The following UNC79 variants were observed in gnomAD, a reference collection of about 807,000 sequenced individuals.
UNC79 encodes unc-79 subunit of NALCN channel complex.
In UNC79, 37 loss-of-function variants were observed where a neutral mutation model predicts 283.1. The observed-to-expected ratio is 0.13, with a 90% CI of 0.10 to 0.17. The LOEUF (loss-of-function observed/expected upper bound fraction) is 0.17. Among genes scored for constraint, UNC79 ranks in the 10% least tolerant of loss-of-function variants. The pLI is 1.00. For missense variants in UNC79, 2,272 were observed against 3,211.1 expected, an observed-to-expected ratio of 0.71 and a Z score of 7.07; for synonymous variants, 1,107 against 1,200.2, an observed-to-expected ratio of 0.92 and a Z score of 1.61.
chr14:93,463,849 AC>A (rs1186845984), intron 1 of UNC79, among the ~76,000 whole-genome samples: 2 of 152,138 alleles, frequency 1.3e-5, no homozygotes, highest in African/African-American at 2.4e-5. Flanking sequence ...CTTAACTCTT[AC>A]TAATAAGATT....
chr14:93,529,212 G>T, intron 9 of UNC79, 74 bp from the exon 10 acceptor site: 1 of 1,517,806 alleles, frequency 6.6e-7, no homozygotes, highest in Admixed American at 1.8e-5. Context: ...GCACTAGTGT[G>T]CAGCTTATAA....
intron 1 of UNC79, 69 bp downstream of exon 1, chr14:93,431,120 G>C (rs2055856369): frequency 1.5e-6 from 1 of 686,542 alleles, no homozygotes. Context: ...CGGCGTTTGC[G>C]GCTGCTGGGA....
chr14:93,487,670 C>T (rs761874789), exon 5 of UNC79: 3 of 1,613,714 alleles, frequency 1.9e-6, no homozygotes, highest in South Asian at 1.1e-5. Context: ...CAGTGGGCTC[C>T]TCAAGGAGAG....
intron 7 of UNC79, among the ~76,000 whole-genome samples, chr14:93,516,699 C>T (rs996880839): frequency 6.6e-6 from 1 of 152,114 alleles, no homozygotes; most frequent in Non-Finnish European, 1.5e-5. Flanking sequence ...CTGCCTGCCT[C>T]AGCCTCCCAA....
intron 1 of UNC79, among the ~76,000 whole-genome samples, chr14:93,380,579 A>T (rs2054646064): frequency 6.6e-6 from 1 of 152,228 alleles, no homozygotes; most frequent in South Asian, 2.1e-4. Flanking sequence ...TTTATGTGAA[A>T]TTGAACTTTT....
chr14:93,420,213 A>G (rs752007074), intron 1 of UNC79, among the ~76,000 whole-genome samples: 5 of 151,178 alleles, frequency 3.3e-5, no homozygotes, highest in African/African-American at 7.3e-5. Flanking sequence ...TCTGTTGTCT[A>G]CAAGAAACAC....
chr14:93,676,185 T>C (rs1282139084), intron 41 of UNC79, among the ~76,000 whole-genome samples: 1 of 152,188 alleles, frequency 6.6e-6, no homozygotes, highest in Non-Finnish European at 1.5e-5. Context: ...GCCTCTGATG[T>C]AGCTGGGACT....
chr14:93,671,588 C>T lies in UNC79; in HGVS notation c.6637-1763C>T, dbSNP rs569886314. Among the ~76,000 whole-genome samples the T allele has an allele frequency of 2.6e-5, 4 of 152,238 alleles. No individual in the cohort carries two copies. The South Asian group carries it at 8.3e-4, about 32-fold the overall frequency. On this transcript the variant is annotated intron_variant, in intron 40 of 48. Coordinates refer to ENST00000555664, the Ensembl canonical transcript of UNC79. ...GGGAGTACAAGACCAGCCTGACCAA[C>T]ATGGAGAAACCCCATCTCTACTAAA...
intron 27 of UNC79, among the ~76,000 whole-genome samples, chr14:93,615,749 AAGAAG>A (rs2066674298): frequency 6.9e-6 from 1 of 143,946 alleles, no homozygotes. Flanking sequence ...AAAAAAAGAA[AAGAAG>A]AAAAGAAGAA....
intron 38 of UNC79, among the ~76,000 whole-genome samples, chr14:93,655,644 G>GGA (rs2070840508): frequency 2.4e-5 from 2 of 81,760 alleles, no homozygotes; most frequent in African/African-American, 8.3e-5. Flanking sequence ...CAGTTGATTT[G>GGA]AAAAAAAAAA....
intron 12 of UNC79, among the ~76,000 whole-genome samples, chr14:93,538,972 G>T (rs372608268): frequency 6.6e-6 from 1 of 151,370 alleles, no homozygotes; most frequent in Non-Finnish European, 1.5e-5. Flanking sequence ...GTACAATCTC[G>T]GCTCACTGCA....
At chr14:93,357,676 C>CATATATATATAT (rs60284787) in intron 1 of UNC79, among the ~76,000 whole-genome samples, 8 of 32,358 alleles carry the variant, frequency 2.5e-4, no homozygotes, top group Non-Finnish European at 4.0e-4. Context: ...AATAAACTCC[C>CATATATATATAT]ATATATATAT....
chr14:93,348,130 G>T (rs778986970), intron 1 of UNC79: 2 of 1,518,782 alleles, frequency 1.3e-6, no homozygotes, highest in South Asian at 2.3e-5. Context: ...GATGGAAGAT[G>T]ATGTTGAACA....
intron 1 of UNC79, among the ~76,000 whole-genome samples, chr14:93,356,960 G>A (rs1015466982): frequency 3.3e-5 from 5 of 152,142 alleles, no homozygotes; most frequent in African/African-American, 1.2e-4. Context: ...TGTCACCCAG[G>A]TAATAAGCAT....
At chr14:93,467,689 A>G in exon 2 of UNC79, 1 of 1,234,648 alleles carries the variant, frequency 8.1e-7, no homozygotes, top group Non-Finnish European at 1.0e-6. Flanking sequence ...AAGATCCGGT[A>G]CTTGCAGGAA....
At chr14:93,646,919 C>T (rs1363870511) in intron 35 of UNC79, among the ~76,000 whole-genome samples, 3 of 152,180 alleles carry the variant, frequency 2.0e-5, no homozygotes, top group African/African-American at 7.2e-5. Context: ...AATTGCAGCT[C>T]TAGAGAGCAC....
At chr14:93,644,437 G>C (rs1458200178) in intron 34 of UNC79, among the ~76,000 whole-genome samples, 2 of 152,208 alleles carry the variant, frequency 1.3e-5, no homozygotes, top group Non-Finnish European at 2.9e-5. Context: ...TGTGTGAACA[G>C]TGCCAGGTGC....
At chr14:93,348,348 G>A (rs2139904654) in intron 1 of UNC79, 1 of 475,384 alleles carries the variant, frequency 2.1e-6, no homozygotes, top group East Asian at 3.4e-5. Flanking sequence ...ACTTATTCGT[G>A]CTTGGTAATA....
At chr14:93,532,461 C>T (rs914026962) in intron 10 of UNC79, 89 bp from the exon 11 acceptor site, 1 of 1,464,828 alleles carries the variant, frequency 6.8e-7, no homozygotes, top group African/African-American at 1.4e-5. Flanking sequence ...CAGAGTGAGC[C>T]ACTGTCTCAA....
Sources: gnomAD v4.1 joint callset for allele counts (sites outside exome capture counted in the v4.1 genomes callset) on GRCh38, gnomAD v4.1.1 for gene constraint, MANE v1.5 for transcripts, NCBI Gene and HGNC (gene_info 2026-07-23, HGNC 2026-07-21) for gene names.